Variants in DOP1A observed in about 807,000 individuals in gnomAD.
The protein encoded by DOP1A is protein DOP1A.
Under a neutral mutation model 267.6 loss-of-function variants are expected in DOP1A, and 90 were observed. The ratio of observed to expected loss-of-function variants is 0.34; its 90% CI spans 0.28 to 0.40. DOP1A has a LOEUF of 0.40. Ranked by LOEUF, DOP1A falls within the 10% of genes least tolerant of loss-of-function variation. The pLI, the probability that DOP1A is intolerant of heterozygous loss-of-function variation, is 1.00. For missense variants in DOP1A, 2,437 were observed against 2,900.4 expected, an observed-to-expected ratio of 0.84 and a Z score of 3.67; for synonymous variants, 932 against 999.1, an observed-to-expected ratio of 0.93 and a Z score of 1.27.
intron 4 of DOP1A, 33 bp from the exon 5 acceptor site, chr6:83,108,877 C>T: frequency 6.4e-7 from 1 of 1,569,384 alleles, no homozygotes. Flanking sequence ...AGTTATTTTG[C>T]TTCCTTCTCC....
At chr6:83,169,355 A>G, downstream of DOP1A, 1 of 1,612,020 alleles carries the variant, frequency 6.2e-7, no homozygotes, top group Non-Finnish European at 8.5e-7. Flanking sequence ...ATTAGATGAG[A>G]AAGACATAGC....
chr6:83,089,599 C>G (rs967533640), intron 1 of DOP1A, among the ~76,000 whole-genome samples: 1 of 152,166 alleles, frequency 6.6e-6, no homozygotes, highest in South Asian at 2.1e-4. Flanking sequence ...TTAACAGCCC[C>G]TAGAAGAAAG....
intron 1 of DOP1A, among the ~76,000 whole-genome samples, chr6:83,076,007 CTT>C (rs769851882): frequency 1.2e-4 from 18 of 152,124 alleles, no homozygotes; most frequent in Non-Finnish European, 2.2e-4. Flanking sequence ...AATCTTAAAA[CTT>C]TCTGTGCATC....
chr6:83,078,535 A>G (rs894820050), intron 1 of DOP1A, among the ~76,000 whole-genome samples: 12 of 152,230 alleles, frequency 7.9e-5, no homozygotes, highest in African/African-American at 2.7e-4. Context: ...AAACTGCTCC[A>G]AATGAAATCG....
chr6:83,167,700 G>C (rs1786115762), intron 38 of DOP1A, 162 bp from the exon 39 acceptor site: 3 of 1,389,062 alleles, frequency 2.2e-6, no homozygotes. Flanking sequence ...GGCAGTAAAA[G>C]GTCTCAGAAG....
intron 24 of DOP1A, among the ~76,000 whole-genome samples, chr6:83,144,626 T>G (rs143716276): frequency 5.1e-4 from 77 of 152,206 alleles, no homozygotes; most frequent in Non-Finnish European, 9.0e-4. Flanking sequence ...GATATAACAA[T>G]GTTGAGAGGA....
chr6:83,067,992 G>T (rs1247522680), intron 1 of DOP1A, among the ~76,000 whole-genome samples: 1 of 152,212 alleles, frequency 6.6e-6, no homozygotes, highest in Non-Finnish European at 1.5e-5. Flanking sequence ...GGGGACTGGA[G>T]GGCCAGGGCT....
Position 83,140,048 on chromosome 6 carries a change from T to G in DOP1A, c.5169T>G (p.Leu1723=). The G allele has an allele frequency of 6.2e-7, 1 of 1,613,752 alleles. No individual in the cohort carries two copies. Among genetic ancestry groups the G allele is most frequent in the Non-Finnish European group, 8.5e-7 (1 of 1,179,800 alleles). The change falls in exon 22 of 39, where the codon CTT becomes CTG. Residue 1723 remains leucine (L), a synonymous_variant. Transcript: ENST00000349129. ...SIIPPDMILT[L]LEGITAIIHY... ...TTCCACCAGATATGATTCTTACTCTTTTGGAAGGGATTACAGCCATTATCC... is the reference window on the plus strand; with the variant it reads ...TTCCACCAGATATGATTCTTACTCTGTTGGAAGGGATTACAGCCATTATCC...
chr6:83,108,806 A>G (rs1192778155), intron 4 of DOP1A, 104 bp from the exon 5 acceptor site: 9 of 1,128,116 alleles, frequency 8.0e-6, no homozygotes, highest in South Asian at 3.4e-5. Flanking sequence ...GCCAATCAGT[A>G]TAACTTTTTC....
intron 21 of DOP1A, among the ~76,000 whole-genome samples, chr6:83,139,592 C>T (rs1376501231): frequency 1.3e-5 from 2 of 152,092 alleles, no homozygotes; most frequent in South Asian, 2.1e-4. Context: ...TGACAAAATT[C>T]GATCTGAGTC....
At chr6:83,090,307 G>A (rs576144056) in intron 1 of DOP1A, among the ~76,000 whole-genome samples, 189 of 151,916 alleles carry the variant, frequency 1.2e-3, no homozygotes, top group African/African-American at 4.2e-3. Context: ...TCATACAGCT[G>A]CTAAGTAAGT....
At position 83,160,049 on chromosome 6, in the gene DOP1A, G is replaced by A; in HGVS notation, c.6962+89G>A. 2.3e-6 allele frequency: 3 copies of A among 1,299,132 alleles called. No individual in the cohort carries two copies. In the South Asian group the frequency reaches 4.2e-5, roughly 18 times the overall value. The allele number at this position is 1,299,132 out of a possible 1,614,324, so 80.5% of individuals were successfully genotyped here. On this transcript the variant is annotated intron_variant, in intron 37 of 38. Transcript: ENST00000349129. ...TCTATGACTAATTAAAAAGTTTTTT[G>A]TGTAAGTTGAAATATTCCTAATTTT...
intron 33 of DOP1A, among the ~76,000 whole-genome samples, chr6:83,154,599 G>C (rs765191758): frequency 6.1e-4 from 93 of 152,160 alleles, no homozygotes; most frequent in Non-Finnish European, 1.6e-4. Flanking sequence ...GTGAATGAGA[G>C]ACTGACAGAT....
intron 15 of DOP1A, 37 bp from the exon 16 acceptor site, chr6:83,128,850 C>G (rs1012340771): frequency 6.6e-7 from 1 of 1,510,436 alleles, no homozygotes; most frequent in South Asian, 1.4e-5. Context: ...GTACACTTTG[C>G]TACTCAGCCT....
At chr6:83,080,755 A>G (rs1767934846) in intron 1 of DOP1A, among the ~76,000 whole-genome samples, 1 of 152,178 alleles carries the variant, frequency 6.6e-6, no homozygotes, top group African/African-American at 2.4e-5. Context: ...TTCTGTATAT[A>G]GTTCCCCTTG....
rs758095399 is a variant in DOP1A, at chr6:83,164,663, A to G, written c.7092+1744A>G. 36 of 1,576,406 alleles carry G rather than the reference A, an allele frequency of 2.3e-5. No homozygotes were observed. In the South Asian group the frequency reaches 3.6e-4, roughly 16 times the overall value. ...GTTCTCCTCTTTCCTTCCACAGGAC[A>G]AGGAGGAGGACTTTAAGACAGTGAT... is the stretch of plus-strand genomic sequence containing the variant. On this transcript the variant is annotated intron_variant, in intron 38 of 38. Coordinates refer to ENST00000349129, the MANE Select transcript of DOP1A (RefSeq NM_015018.4).
At chr6:83,070,801 G>A (rs1173444762) in intron 1 of DOP1A, among the ~76,000 whole-genome samples, 2 of 150,932 alleles carry the variant, frequency 1.3e-5, no homozygotes, top group African/African-American at 4.9e-5. Context: ...GCACTTATTT[G>A]TTGACCAAAT....
intron 4 of DOP1A, among the ~76,000 whole-genome samples, chr6:83,108,058 T>C (rs916432275): frequency 1.3e-5 from 2 of 152,254 alleles, no homozygotes; most frequent in Non-Finnish European, 2.9e-5. Context: ...CAAGATATGA[T>C]AGCAGCTGCT....
At position 83,125,247 on chromosome 6, in the gene DOP1A, T is replaced by C. The variant is rs370300480; in HGVS notation, c.1485+52T>C. 19 of 1,508,228 alleles carry C rather than the reference T, an allele frequency of 1.3e-5. No homozygotes were observed. In the African/African-American group the frequency reaches 2.7e-4, roughly 21 times the overall value. The allele number at this position is 1,508,228 out of a possible 1,614,324, so 93.4% of individuals were successfully genotyped here. ...TAAATGATTCTATTTACTTTTGTTA[T>C]ATTATAATTTTAGTAATGTAGCAGA... On this transcript the variant is annotated intron_variant, in intron 14 of 38. Transcript: ENST00000349129.
Sources: gnomAD v4.1 joint callset for allele counts (sites outside exome capture counted in the v4.1 genomes callset) on GRCh38, gnomAD v4.1.1 for gene constraint, MANE v1.5 for transcripts, NCBI Gene and HGNC (gene_info 2026-07-23, HGNC 2026-07-21) for gene names.